The following UBL3 variants were observed in gnomAD, a reference collection of about 807,000 sequenced individuals.
UBL3 encodes the protein ubiquitin like 3.
In UBL3, 6 loss-of-function variants were observed where a neutral mutation model predicts 18.4. The observed-to-expected ratio is 0.33, with a 90% CI of 0.18 to 0.64. The LOEUF (loss-of-function observed/expected upper bound fraction) is 0.64. Among genes scored for constraint, UBL3 ranks in the 30% least tolerant of loss-of-function variants. UBL3 has a pLI of 0.76. For synonymous variants in UBL3, 49 were observed against 46.6 expected, an observed-to-expected ratio of 1.05 and a Z score of -0.21; for missense variants, 109 against 142.9, an observed-to-expected ratio of 0.76 and a Z score of 1.21.
chr13:29,825,375 C>T (rs1261209430), intron 1 of UBL3, among the ~76,000 whole-genome samples: 3 of 152,144 alleles, frequency 2.0e-5, no homozygotes, highest in Non-Finnish European at 4.4e-5. Flanking sequence ...TCTTTTATTT[C>T]GTTGAGCAGT....
chr13:29,779,022 A>C (rs1877075065), intron 1 of UBL3, among the ~76,000 whole-genome samples: 1 of 152,234 alleles, frequency 6.6e-6, no homozygotes, highest in African/African-American at 2.4e-5. Flanking sequence ...GAATTATACC[A>C]AATAGCTGAA....
At chr13:29,767,354 G>A in intron 4 of UBL3, 47 bp from the exon 5 acceptor site, 1 of 1,608,982 alleles carries the variant, frequency 6.2e-7, no homozygotes, top group Non-Finnish European at 8.5e-7. Context: ...TCTAGAACTG[G>A]AGGGGAAAAT....
At chr13:29,768,789 G>T (rs556270059) in intron 3 of UBL3, among the ~76,000 whole-genome samples, 33 of 152,096 alleles carry the variant, frequency 2.2e-4, no homozygotes, top group African/African-American at 7.9e-4. Flanking sequence ...TAACTTCCTA[G>T]GCCTGACTTA....
chr13:29,785,470 G>C (rs1593654781), intron 1 of UBL3, among the ~76,000 whole-genome samples: 2 of 152,034 alleles, frequency 1.3e-5, no homozygotes, highest in African/African-American at 4.8e-5. Context: ...ACAGCTACTT[G>C]ATCTAGAAGA....
intron 1 of UBL3, among the ~76,000 whole-genome samples, chr13:29,834,937 T>C (rs1878878608): frequency 6.6e-6 from 1 of 151,330 alleles, no homozygotes; most frequent in Non-Finnish European, 1.5e-5. Context: ...AGTTTTCCGA[T>C]GGATTAAATT....
intron 1 of UBL3, among the ~76,000 whole-genome samples, chr13:29,817,664 CAGA>C (rs767710913): frequency 5.9e-5 from 9 of 152,118 alleles, no homozygotes; most frequent in East Asian, 1.9e-4. Context: ...TTCCATTTAG[CAGA>C]AGATCAATGC....
chr13:29,845,638 T>C (rs1005695108), intron 1 of UBL3, among the ~76,000 whole-genome samples: 1 of 152,088 alleles, frequency 6.6e-6, no homozygotes, highest in Non-Finnish European at 1.5e-5. Flanking sequence ...AGGGCTCCAA[T>C]AATTCTTACA....
chr13:29,781,594 C>G (rs1877175365), intron 1 of UBL3, among the ~76,000 whole-genome samples: 2 of 151,816 alleles, frequency 1.3e-5, no homozygotes, highest in African/African-American at 4.8e-5. Context: ...TGGGGGAACG[C>G]TGATAATAGG....
At chr13:29,788,882 CGCACGCGCACGTGTGT>C (rs1412452205) in intron 1 of UBL3, among the ~76,000 whole-genome samples, 1 of 28,420 alleles carries the variant, frequency 3.5e-5, no homozygotes, top group African/African-American at 8.5e-5. Context: ...CGCGCGCGCG[CGCACGCGCACGTGTGT>C]GCGTGTGTGT....
At chr13:29,771,352 A>G (rs1876835989) in intron 3 of UBL3, among the ~76,000 whole-genome samples, 1 of 152,092 alleles carries the variant, frequency 6.6e-6, no homozygotes, top group Non-Finnish European at 1.5e-5. Context: ...GGTAGAAAAT[A>G]TACCCCATAA....
At chr13:29,782,611 T>C (rs539823109) in intron 1 of UBL3, among the ~76,000 whole-genome samples, 117 of 152,302 alleles carry the variant, frequency 7.7e-4, no homozygotes, top group African/African-American at 2.8e-3. Context: ...GGAAACTGCC[T>C]AGTTCCAGAA....
Position 29,771,299 on chromosome 13 carries a change from T to A in UBL3, c.223+813A>T, listed in dbSNP as rs561320671. ...ATACGTTTCCAATTATCTGAATATA[T>A]TTGAAATACCTATTTTCAAAACTAC... On this transcript the variant is annotated intron_variant, in intron 3 of 4. Transcript: ENST00000380680. 2.6e-5 allele frequency among the ~76,000 whole-genome samples: 4 copies of A among 152,166 alleles called. No individual in the cohort carries two copies. The East Asian group carries it at 7.7e-4, about 29-fold the overall frequency.
chr13:29,838,521 T>C (rs1435450973), intron 1 of UBL3, among the ~76,000 whole-genome samples: 1 of 152,098 alleles, frequency 6.6e-6, no homozygotes, highest in Non-Finnish European at 1.5e-5. Context: ...GGAAGAGGGG[T>C]AAATGGAATT....
intron 1 of UBL3, among the ~76,000 whole-genome samples, chr13:29,818,039 C>T (rs1440221692): frequency 1.3e-5 from 2 of 152,070 alleles, no homozygotes; most frequent in Non-Finnish European, 2.9e-5. Flanking sequence ...GCATTTAGTC[C>T]CCATTTCAAA....
intron 2 of UBL3, among the ~76,000 whole-genome samples, chr13:29,776,120 A>G (rs1043516625): frequency 2.6e-5 from 4 of 152,152 alleles, no homozygotes; most frequent in Non-Finnish European, 5.9e-5. Context: ...TAGGCTATCT[A>G]GAGAAGACCA....
chr13:29,827,860 T>C (rs1878665271), intron 1 of UBL3, among the ~76,000 whole-genome samples: 1 of 152,228 alleles, frequency 6.6e-6, no homozygotes, highest in Non-Finnish European at 1.5e-5. Flanking sequence ...CAGGAGCTCT[T>C]TTAGGGCAGG....
chr13:29,818,682 A>G (rs2794299), intron 1 of UBL3, among the ~76,000 whole-genome samples: 4,486 of 152,262 alleles, frequency 0.029, 133 homozygotes, highest in African/African-American at 0.062. Flanking sequence ...TGGCCAATGT[A>G]TAACAGCTTG....
intron 3 of UBL3, among the ~76,000 whole-genome samples, chr13:29,768,843 A>G (rs1246987911): frequency 3.9e-5 from 6 of 152,098 alleles, no homozygotes; most frequent in Admixed American, 2.6e-4. Context: ...AATTTTCACT[A>G]AATAGTTGGG....
chr13:29,782,770 T>G (rs1877211011), intron 1 of UBL3, among the ~76,000 whole-genome samples: 1 of 152,174 alleles, frequency 6.6e-6, no homozygotes, highest in Non-Finnish European at 1.5e-5. Context: ...AAATGACAAC[T>G]GCAACAGTAA....
Sources: allele counts gnomAD v4.1 joint callset (sites outside exome capture counted in the v4.1 genomes callset), GRCh38; gene constraint gnomAD v4.1.1; transcripts MANE v1.5; gene names NCBI Gene and HGNC (gene_info 2026-07-23, HGNC 2026-07-21).